CLASP1: variants seen among roughly 807,000 people sequenced by gnomAD.
CLASP1 encodes cytoplasmic linker associated protein 1, also known as CLIP-associating protein 1.
Under a neutral mutation model 192.3 loss-of-function variants are expected in CLASP1, and 38 were observed. That is an observed-to-expected ratio of 0.20 (90% CI 0.15 to 0.26). The LOEUF (loss-of-function observed/expected upper bound fraction) is 0.26. Ranked by LOEUF, CLASP1 falls within the 10% of genes least tolerant of loss-of-function variation. CLASP1 has a pLI of 1.00. For missense variants in CLASP1, 1,433 were observed against 1,932.5 expected, an observed-to-expected ratio of 0.74 and a Z score of 4.85; for synonymous variants, 691 against 712.8, an observed-to-expected ratio of 0.97 and a Z score of 0.49.
intron 2 of CLASP1, among the ~76,000 whole-genome samples, chr2:121,577,340 T>C (rs890305479): frequency 2.0e-5 from 3 of 151,994 alleles, no homozygotes; most frequent in African/African-American, 7.2e-5. Context: ...TAAATCTCTA[T>C]CAATAGGAGA....
At chr2:121,542,742 T>C (rs1293940281) in intron 2 of CLASP1, among the ~76,000 whole-genome samples, 2 of 152,248 alleles carry the variant, frequency 1.3e-5, no homozygotes, top group Admixed American at 6.5e-5. Flanking sequence ...ATTGGATTAA[T>C]GGGACTTACA....
Position 121,478,688 on chromosome 2 carries a change from CACACACACAACCACACCCCACACACACAA to C in CLASP1, c.713-8757_713-8729del, listed in dbSNP as rs1232997064. ...CCCCACACACACCACACACACACCC[CACACACACAACCACACCCCACACACACAA>C]CCACACACACACCACACACACACCC... On this transcript the variant is annotated intron_variant, in intron 8 of 39. Transcript: ENST00000263710. 3.1e-4 allele frequency among the ~76,000 whole-genome samples: 29 copies of C among 92,566 alleles called. 2 individuals carry two copies. Among genetic ancestry groups the C allele is most frequent in the East Asian group, 2.2e-3 (6 of 2,756 alleles). 60.7% of individuals were successfully genotyped at this position (92,566 alleles called of 152,430 possible). A position where few individuals can be genotyped will look rare whatever the true frequency, so the allele number is the denominator to read the frequency against.
At chr2:121,568,821 C>T (rs1418580833) in intron 2 of CLASP1, among the ~76,000 whole-genome samples, 1 of 151,958 alleles carries the variant, frequency 6.6e-6, no homozygotes, top group Non-Finnish European at 1.5e-5. Flanking sequence ...CTTGGTCTTC[C>T]CCTACCTTCA....
rs114003100 is a variant in CLASP1, at chr2:121,352,480, G to T, written c.4207-3762C>A. Among the ~76,000 whole-genome samples the T allele has an allele frequency of 7.3e-4, 111 of 152,282 alleles. 2 individuals are homozygous for T. Among genetic ancestry groups the T allele is most frequent in the African/African-American group, 2.6e-3 (107 of 41,556 alleles). ...AAAGCAGAGTGCTGTTTAGACCCTGGTGTGTACGTGTGGCCTTTCACTTTT... is the reference window on the plus strand; with the variant it reads ...AAAGCAGAGTGCTGTTTAGACCCTGTTGTGTACGTGTGGCCTTTCACTTTT... On this transcript the variant is annotated intron_variant, in intron 37 of 39. Transcript: ENST00000263710.
intron 6 of CLASP1, 25 bp downstream of exon 6, chr2:121,525,820 C>A: frequency 6.4e-7 from 1 of 1,566,954 alleles, no homozygotes; most frequent in South Asian, 1.1e-5. Context: ...AATGACTTCT[C>A]CCGAGGGTTT....
intron 1 of CLASP1, among the ~76,000 whole-genome samples, chr2:121,631,158 C>A (rs1430432267): frequency 8.6e-4 from 56 of 65,154 alleles, no homozygotes; most frequent in African/African-American, 1.2e-3. Context: ...GACTCCAGCT[C>A]AAAAAAAAAA....
intron 1 of CLASP1, among the ~76,000 whole-genome samples, chr2:121,610,954 G>A (rs189242379): frequency 2.8e-4 from 42 of 148,440 alleles, no homozygotes; most frequent in Non-Finnish European, 5.4e-4. Context: ...AGAGGAACTG[G>A]AGGAGGAGGA....
In CLASP1 at chr2:121,578,800, T is replaced by C. The variant is rs2060824026; in HGVS notation, c.195+26901A>G. On this transcript the variant is annotated intron_variant, in intron 2 of 39. Coordinates refer to ENST00000263710, the Ensembl canonical transcript of CLASP1. ...AAACCAAAATAAAGCAATTGCTTCT[T>C]AAAAGCACAAGCATTTGGAAGTGAC... Among the ~76,000 whole-genome samples, 4 of 152,002 alleles carry C rather than the reference T, an allele frequency of 2.6e-5. No homozygotes were observed. In the South Asian group the frequency reaches 8.3e-4, roughly 32 times the overall value.
chr2:121,492,389 CAA>C lies in CLASP1; in HGVS notation c.712+10776_712+10777del, dbSNP rs761378692. On this transcript the variant is annotated intron_variant, in intron 8 of 39. Coordinates refer to ENST00000263710, the Ensembl canonical transcript of CLASP1. The stretch of plus-strand genomic sequence containing the variant: ...GGGCGACAGAGCGAGACTCCCTCTC[CAA>C]AAAAAAAAAAAAAAAAAAAAAAAGT... 2.6e-4 allele frequency among the ~76,000 whole-genome samples: 10 copies of C among 37,922 alleles called. No individual in the cohort carries two copies. The South Asian group carries it at 4.7e-3, about 18-fold the overall frequency. The allele number at this position is 37,922 out of a possible 152,430, so 24.9% of individuals were successfully genotyped here.
At chr2:121,636,095 T>C (rs2070782992) in intron 1 of CLASP1, among the ~76,000 whole-genome samples, 1 of 151,866 alleles carries the variant, frequency 6.6e-6, no homozygotes, top group Non-Finnish European at 1.5e-5. Context: ...TCCCAGCACT[T>C]TGGGAGGCTA....
intron 2 of CLASP1, among the ~76,000 whole-genome samples, chr2:121,558,912 A>G (rs930639445): frequency 1.2e-4 from 18 of 152,214 alleles, no homozygotes; most frequent in African/African-American, 4.1e-4. Flanking sequence ...ATGACCTTGC[A>G]AACTGAAGCT....
intron 1 of CLASP1, among the ~76,000 whole-genome samples, chr2:121,634,349 C>G (rs571851611): frequency 6.6e-6 from 1 of 152,252 alleles, no homozygotes; most frequent in Admixed American, 6.5e-5. Context: ...TAGAATAACA[C>G]TTTTATTTTA....
At chr2:121,590,301 C>T (rs985588538) in intron 2 of CLASP1, among the ~76,000 whole-genome samples, 2 of 152,128 alleles carry the variant, frequency 1.3e-5, no homozygotes, top group Non-Finnish European at 2.9e-5. Context: ...GGCAGAAACA[C>T]GTATGTACAG....
At chr2:121,504,578 T>A (rs920885353) in intron 7 of CLASP1, among the ~76,000 whole-genome samples, 1 of 152,232 alleles carries the variant, frequency 6.6e-6, no homozygotes, top group Non-Finnish European at 1.5e-5. Flanking sequence ...ACACAAGCTC[T>A]GGTGTTAGTT....
At chr2:121,367,445 A>G (rs2067641675) in intron 35 of CLASP1, 143 bp downstream of exon 36, 1 of 1,066,852 alleles carries the variant, frequency 9.4e-7, no homozygotes, top group Non-Finnish European at 1.3e-6. Context: ...TCAGTTAAGT[A>G]GTGCCTGAAC....
At chr2:121,587,567 C>A (rs1030645012) in intron 2 of CLASP1, among the ~76,000 whole-genome samples, 2 of 152,164 alleles carry the variant, frequency 1.3e-5, no homozygotes, top group African/African-American at 4.8e-5. Context: ...AGGTGGCTCA[C>A]GCCTGTAATC....
chr2:121,478,771 C>CCACCCACCCCA (rs2092091227), intron 8 of CLASP1, among the ~76,000 whole-genome samples: 1 of 44,234 alleles, frequency 2.3e-5, no homozygotes, highest in African/African-American at 7.5e-5. Flanking sequence ...ACCACACACC[C>CCACCCACCCCA]CACACACACA....
intron 1 of CLASP1, among the ~76,000 whole-genome samples, chr2:121,648,661 C>T (rs2073631469): frequency 6.6e-6 from 1 of 152,328 alleles, no homozygotes; most frequent in African/African-American, 2.4e-5. Context: ...CAAGATCACA[C>T]ACTCATCTTC....
At chr2:121,572,200 G>A (rs1332616218) in intron 2 of CLASP1, among the ~76,000 whole-genome samples, 11 of 152,128 alleles carry the variant, frequency 7.2e-5, no homozygotes, top group African/African-American at 2.2e-4. Flanking sequence ...AGGCCAAGGC[G>A]GGTGGATCAC....
Sources: gnomAD v4.1 joint callset for allele counts (sites outside exome capture counted in the v4.1 genomes callset) on GRCh38, gnomAD v4.1.1 for gene constraint, MANE v1.5 for transcripts, NCBI Gene and HGNC (gene_info 2026-07-23, HGNC 2026-07-21) for gene names.